SIRPD: variants seen among roughly 807,000 people sequenced by gnomAD.
SIRPD encodes the protein signal-regulatory protein delta.
A neutral mutation model predicts 18.0 loss-of-function variants in SIRPD; 21 were observed. The observed-to-expected ratio is 1.17, with a 90% confidence interval of 0.83 to 1.68. The LOEUF is 1.68. Ranked by LOEUF, SIRPD falls within the 40% of genes most tolerant of loss-of-function variation. The probability of loss-of-function intolerance (pLI) is 0.00; values close to 1 mark genes in which losing one functional copy is unlikely to be tolerated. For missense variants in SIRPD, 295 were observed against 238.4 expected (o/e 1.24, Z -1.56); for synonymous variants, 106 against 92.9 (o/e 1.14, Z -0.81).
chr20:1,539,294 T>C (rs2090960845), intron 2 of SIRPD, among the ~76,000 whole-genome samples: 1 of 152,206 alleles, frequency 6.6e-6, no homozygotes, highest in African/African-American at 2.4e-5. Context: ...TTTCTAATGA[T>C]CTTTTTGTAA....
At chr20:1,543,955 T>G (rs1246361343) in intron 2 of SIRPD, among the ~76,000 whole-genome samples, 1 of 152,216 alleles carries the variant, frequency 6.6e-6, no homozygotes, top group Non-Finnish European at 1.5e-5. Flanking sequence ...GAGTTCTAAT[T>G]TGATTGCACT....
At position 1,551,980 on chromosome 20, in the gene SIRPD, C is replaced by T. The variant is rs376418310; in HGVS notation, c.132G>A (p.Gly44=). The T allele has an allele frequency of 6.2e-7, 1 of 1,613,890 alleles. No individual in the cohort carries two copies. The highest frequency in any genetic ancestry group is 1.3e-5 in the African/African-American group (1 of 74,868). Reference sequence around the variant, plus strand: ...CGCTGCAACTCAAGATGATTGACTCCCCAGTTGATACAGTCTGTGACATCT... The same window carrying T: ...CGCTGCAACTCAAGATGATTGACTCTCCAGTTGATACAGTCTGTGACATCT... ...QTEMSQTVST[G]ESIILSCSVP... The change falls in exon 2 of 4, where the codon GGG becomes GGA. Residue 44 remains glycine (G), a synonymous_variant. Coordinates refer to ENST00000381623, the MANE Select transcript of SIRPD (RefSeq NM_178460.3).
chr20:1,539,166 T>C (rs1463761108), intron 2 of SIRPD, among the ~76,000 whole-genome samples: 2 of 152,208 alleles, frequency 1.3e-5, no homozygotes, highest in Non-Finnish European at 2.9e-5. Context: ...TGCCTCAAGT[T>C]TAATGTGCAG....
chr20:1,540,032 A>G (rs2090963801), intron 2 of SIRPD: 1 of 238,976 alleles, frequency 4.2e-6, no homozygotes, highest in Non-Finnish European at 8.5e-6. Context: ...TGTTGTTTGA[A>G]ATCACTAAGT....
intron 3 of SIRPD, 135 bp from the exon 4 acceptor site, chr20:1,534,576 G>A (rs1258411731): frequency 1.2e-6 from 1 of 842,106 alleles, no homozygotes; most frequent in Non-Finnish European, 1.8e-6. Context: ...AGGTTGTGGT[G>A]AGGCAGGCGC....
At chr20:1,537,121 C>T in intron 3 of SIRPD, 34 bp downstream of exon 3, 1 of 1,606,194 alleles carries the variant, frequency 6.2e-7, no homozygotes, top group Non-Finnish European at 8.5e-7. Flanking sequence ...GAGAGCATCC[C>T]TGCATCATGG....
intron 2 of SIRPD, among the ~76,000 whole-genome samples, chr20:1,550,487 A>G (rs925520863): frequency 6.6e-6 from 1 of 152,222 alleles, no homozygotes; most frequent in Non-Finnish European, 1.5e-5. Flanking sequence ...GATTAAAGCC[A>G]TGAAGAGATG....
chr20:1,553,931 A>G (rs527494339), intron 1 of SIRPD: 1 of 152,814 alleles, frequency 6.5e-6, no homozygotes, highest in African/African-American at 2.4e-5. Flanking sequence ...AATAAAGTGC[A>G]TCAGGCTGTG....
At chr20:1,549,773 TG>T (rs2091010596) in intron 2 of SIRPD, among the ~76,000 whole-genome samples, 1 of 152,168 alleles carries the variant, frequency 6.6e-6, no homozygotes, top group African/African-American at 2.4e-5. Context: ...AGTGGGCCCT[TG>T]GAACTCCTTG....
chr20:1,553,964 G>T (rs1424518277), intron 1 of SIRPD: 1 of 152,624 alleles, frequency 6.6e-6, no homozygotes, highest in Non-Finnish European at 1.5e-5. Flanking sequence ...ATACACGGTG[G>T]TGCCTGGACC....
chr20:1,538,027 A>G (rs2090955110), intron 2 of SIRPD, among the ~76,000 whole-genome samples: 1 of 152,034 alleles, frequency 6.6e-6, no homozygotes, highest in South Asian at 2.1e-4. Flanking sequence ...AGATGTAGAA[A>G]CACTCACACC....
At chr20:1,552,438 T>A (rs769274255) in intron 1 of SIRPD, among the ~76,000 whole-genome samples, 9 of 152,124 alleles carry the variant, frequency 5.9e-5, no homozygotes, top group Non-Finnish European at 1.0e-4. Context: ...GAGTTTGGGG[T>A]TGGCCTTCCT....
intron 2 of SIRPD, among the ~76,000 whole-genome samples, chr20:1,542,826 AGT>A (rs1458353340): frequency 6.6e-6 from 1 of 152,166 alleles, no homozygotes; most frequent in Non-Finnish European, 1.5e-5. Context: ...TAGTTTATTG[AGT>A]GTTTTTAGCA....
At chr20:1,553,302 G>A (rs1386341681) in intron 1 of SIRPD, among the ~76,000 whole-genome samples, 1 of 152,136 alleles carries the variant, frequency 6.6e-6, no homozygotes, top group Non-Finnish European at 1.5e-5. Context: ...CTGGACTGTG[G>A]TGACCACTCA....
At chr20:1,539,803 A>G (rs949643537) in intron 2 of SIRPD, among the ~76,000 whole-genome samples, 23 of 152,182 alleles carry the variant, frequency 1.5e-4, no homozygotes, top group African/African-American at 5.3e-4. Flanking sequence ...CATGTAGCAG[A>G]TATCTGATGT....
intron 3 of SIRPD, among the ~76,000 whole-genome samples, chr20:1,536,079 T>C (rs2090943984): frequency 6.6e-6 from 1 of 152,182 alleles, no homozygotes; most frequent in Admixed American, 6.5e-5. Flanking sequence ...AGTGAAGACA[T>C]AGACTTGCCA....
chr20:1,538,850 A>G (rs2090959278), intron 2 of SIRPD, among the ~76,000 whole-genome samples: 1 of 152,200 alleles, frequency 6.6e-6, no homozygotes, highest in Admixed American at 6.5e-5. Context: ...GACCCCAGGC[A>G]ACATATAGCA....
chr20:1,551,607 T>C, intron 2 of SIRPD, 84 bp downstream of exon 2: 2 of 1,039,854 alleles, frequency 1.9e-6, no homozygotes, highest in Non-Finnish European at 2.8e-6. Flanking sequence ...ATTTGGCACA[T>C]AGCAATTATT....
intron 1 of SIRPD, among the ~76,000 whole-genome samples, chr20:1,554,595 G>C (rs2091031840): frequency 6.6e-6 from 1 of 152,108 alleles, no homozygotes; most frequent in African/African-American, 2.4e-5. Flanking sequence ...TATTAAATGA[G>C]AAAATGCAAA....
Sources: allele counts gnomAD v4.1 joint callset (sites outside exome capture counted in the v4.1 genomes callset), GRCh38; gene constraint gnomAD v4.1.1; transcripts MANE v1.5; gene names NCBI Gene and HGNC (gene_info 2026-07-23, HGNC 2026-07-21).